The following PSMA3 variants were observed in gnomAD, a reference collection of about 807,000 sequenced individuals.
PSMA3 encodes the protein proteasome 20S subunit alpha 3.
A neutral mutation model predicts 40.0 loss-of-function variants in PSMA3; 8 were observed. The observed-to-expected ratio is 0.20, with a 90% CI of 0.12 to 0.36. The LOEUF (loss-of-function observed/expected upper bound fraction) is 0.36, where lower values mean the gene tolerates loss of function less well. Among genes scored for constraint, PSMA3 ranks in the 10% least tolerant of loss-of-function variants. The pLI is 1.00. For synonymous variants in PSMA3, 110 were observed against 100.0 expected (o/e 1.10, Z -0.59); for missense variants, 219 against 310.6 (o/e 0.70, Z 2.22).
chr14:58,253,979 T>A (rs1469438652), intron 3 of PSMA3, among the ~76,000 whole-genome samples: 1 of 152,014 alleles, frequency 6.6e-6, no homozygotes, highest in Non-Finnish European at 1.5e-5. Flanking sequence ...TTGTTGTTGT[T>A]GTACAGATTT....
In PSMA3 at chr14:58,262,565, ATT is replaced by A. The variant is rs35510234; in HGVS notation, c.478-1126_478-1125del. Among the ~76,000 whole-genome samples, 127 of 141,446 alleles carry A rather than the reference ATT, an allele frequency of 9.0e-4. 1 individual carries two copies. The highest frequency in any genetic ancestry group is 1.3e-3 in the African/African-American group (49 of 38,208). 92.8% of individuals were successfully genotyped at this position (141,446 alleles called of 152,430 possible). Reference sequence around the variant, plus strand: ...TAAGAGCTTTCCCTAAATTATTACCATTTTTTTTTTTTTTTGAGACAGAGTCT... The same window carrying A: ...TAAGAGCTTTCCCTAAATTATTACCATTTTTTTTTTTTTGAGACAGAGTCT... On this transcript the variant is annotated intron_variant, in intron 6 of 10. Transcript: ENST00000216455.
chr14:58,251,257 C>T (rs1255728270), intron 2 of PSMA3, among the ~76,000 whole-genome samples: 2 of 152,124 alleles, frequency 1.3e-5, no homozygotes, highest in Non-Finnish European at 1.5e-5. Flanking sequence ...GAAATGGCAA[C>T]AAGTAATTTC....
intron 3 of PSMA3, among the ~76,000 whole-genome samples, chr14:58,255,862 TTTTG>T (rs1890132120): frequency 1.3e-5 from 2 of 152,204 alleles, no homozygotes; most frequent in Non-Finnish European, 2.9e-5. Flanking sequence ...CTGTTTTTGT[TTTTG>T]TTTTTGTTTT....
chr14:58,267,436 GTTC>G lies in PSMA3; in HGVS notation c.544-33_544-31del, dbSNP rs1594833168. 2.1e-6 allele frequency: 3 copies of G among 1,461,050 alleles called. No homozygotes were observed. In the African/African-American group the frequency reaches 4.4e-5, roughly 21 times the overall value. The allele number at this position is 1,461,050 out of a possible 1,614,324, so 90.5% of individuals were successfully genotyped here. On this transcript the variant is annotated intron_variant, in intron 7 of 10. Coordinates refer to ENST00000216455, the MANE Select transcript of PSMA3 (RefSeq NM_002788.4). ...AATAGTTATTACACAAGTGGAAAAT[GTTC>G]TTCTGATGAACAGTATACATTTTAT... is the stretch of plus-strand genomic sequence containing the variant.
intron 2 of PSMA3, among the ~76,000 whole-genome samples, chr14:58,251,391 A>G (rs762071537): frequency 1.3e-5 from 2 of 152,048 alleles, no homozygotes; most frequent in African/African-American, 2.4e-5. Flanking sequence ...GGCTCAAGCA[A>G]TCTCTCACCT....
intron 6 of PSMA3, among the ~76,000 whole-genome samples, chr14:58,261,924 C>T (rs940277396): frequency 1.3e-5 from 2 of 151,138 alleles, no homozygotes; most frequent in African/African-American, 4.9e-5. Flanking sequence ...CCATGTCATC[C>T]CTTTTATTTT....
At chr14:58,245,873 C>T (rs1889869674) in intron 1 of PSMA3, among the ~76,000 whole-genome samples, 1 of 152,166 alleles carries the variant, frequency 6.6e-6, no homozygotes, top group Non-Finnish European at 1.5e-5. Context: ...CAACTTATGT[C>T]TGGAATGGTT....
At chr14:58,249,002 G>A (rs1020210197) in intron 2 of PSMA3, among the ~76,000 whole-genome samples, 1 of 152,148 alleles carries the variant, frequency 6.6e-6, no homozygotes, top group African/African-American at 2.4e-5. Flanking sequence ...TTTCACTCTT[G>A]TTGCCCAGGC....
intron 5 of PSMA3, among the ~76,000 whole-genome samples, chr14:58,259,268 G>T (rs1335302388): frequency 1.3e-5 from 2 of 152,140 alleles, no homozygotes; most frequent in Non-Finnish European, 2.9e-5. Context: ...CTCTTTTTAA[G>T]GGAGTAAGAA....
chr14:58,259,716 G>A (rs1254041625), intron 5 of PSMA3, among the ~76,000 whole-genome samples: 1 of 152,200 alleles, frequency 6.6e-6, no homozygotes, highest in Non-Finnish European at 1.5e-5. Context: ...ATGATAAAGG[G>A]ACAACAATTA....
intron 5 of PSMA3, among the ~76,000 whole-genome samples, chr14:58,259,310 TTTTG>T (rs1017878314): frequency 6.6e-6 from 1 of 152,044 alleles, no homozygotes. Flanking sequence ...ATAACTTTTT[TTTTG>T]TTTGTTTTGT....
At chr14:58,269,213 T>G (rs1212862551) in intron 8 of PSMA3, among the ~76,000 whole-genome samples, 1 of 152,072 alleles carries the variant, frequency 6.6e-6, no homozygotes, top group African/African-American at 2.4e-5. Context: ...ATTACAGATG[T>G]GAACCACCGC....
At chr14:58,267,394 CTG>C in intron 7 of PSMA3, 78 bp from the exon 8 acceptor site, 5 of 1,348,808 alleles carry the variant, frequency 3.7e-6, no homozygotes, top group Non-Finnish European at 4.8e-6. Flanking sequence ...GGTTTTATAT[CTG>C]AGTATAAAAG....
At chr14:58,244,996 G>A in intron 1 of PSMA3, 55 bp downstream of exon 1, 4 of 1,613,114 alleles carry the variant, frequency 2.5e-6, no homozygotes, top group Admixed American at 3.3e-5. Flanking sequence ...GGGTTGAAGG[G>A]AACTCGGACA....
intron 7 of PSMA3, chr14:58,266,189 T>C (rs1890437788): frequency 6.6e-6 from 1 of 152,240 alleles, no homozygotes; most frequent in African/African-American, 2.4e-5. Flanking sequence ...AAAGTAGTAC[T>C]CTTAAATTTA....
chr14:58,271,898 T>C lies in PSMA3; in HGVS notation c.*3T>C. ...AATCAGATGATGATAATATGTAACATTTACTCCAGCATCTATTGTATTTTA... is the reference window on the plus strand; with the variant it reads ...AATCAGATGATGATAATATGTAACACTTACTCCAGCATCTATTGTATTTTA... On this transcript the variant is annotated 3_prime_UTR_variant, in exon 11 of 11. Transcript: ENST00000216455. 6.3e-7 allele frequency: 1 copy of C among 1,576,084 alleles called. No homozygotes were observed. Among genetic ancestry groups the C allele is most frequent in the Non-Finnish European group, 8.7e-7 (1 of 1,146,046 alleles).
chr14:58,246,979 C>T (rs1455916470), intron 1 of PSMA3, among the ~76,000 whole-genome samples: 1 of 152,228 alleles, frequency 6.6e-6, no homozygotes, highest in Non-Finnish European at 1.5e-5. Flanking sequence ...TCAGCTACCT[C>T]ACTAACACAG....
At chr14:58,248,650 T>C (rs1339659461) in intron 2 of PSMA3, among the ~76,000 whole-genome samples, 1 of 152,126 alleles carries the variant, frequency 6.6e-6, no homozygotes, top group Non-Finnish European at 1.5e-5. Flanking sequence ...GAATGTGTTT[T>C]TTCCTGAATG....
intron 2 of PSMA3, among the ~76,000 whole-genome samples, chr14:58,248,450 A>G (rs988616370): frequency 6.6e-6 from 1 of 151,564 alleles, no homozygotes; most frequent in Non-Finnish European, 1.5e-5. Flanking sequence ...GGCTGGTCTC[A>G]AACCCCTGGC....
Sources: allele counts gnomAD v4.1 joint callset (sites outside exome capture counted in the v4.1 genomes callset), GRCh38; gene constraint gnomAD v4.1.1; transcripts MANE v1.5; gene names NCBI Gene and HGNC (gene_info 2026-07-23, HGNC 2026-07-21).